ABCC9: variants seen among roughly 807,000 people sequenced by gnomAD.
The protein encoded by ABCC9 is ATP binding cassette subfamily C member 9.
In ABCC9, 95 loss-of-function variants were observed where a neutral mutation model predicts 188.3. The observed-to-expected ratio is 0.50, with a 90% CI of 0.43 to 0.60. The LOEUF is 0.60. Among genes scored for constraint, ABCC9 ranks in the 20% least tolerant of loss-of-function variants. The pLI, the probability that ABCC9 is intolerant of heterozygous loss-of-function variation, is 0.00. For synonymous variants in ABCC9, 659 were observed against 652.7 expected (o/e 1.01, Z -0.15); for missense variants, 1,102 against 1,876.3 (o/e 0.59, Z 7.62).
At chr12:21,909,435 T>A (rs1322239248) in intron 10 of ABCC9, among the ~76,000 whole-genome samples, 4 of 151,934 alleles carry the variant, frequency 2.6e-5, no homozygotes, top group African/African-American at 9.7e-5. Context: ...ATCTACAGAA[T>A]GCAAAACTTG....
At chr12:21,866,007 A>G (rs1192432483) in intron 18 of ABCC9, among the ~76,000 whole-genome samples, 2 of 151,968 alleles carry the variant, frequency 1.3e-5, no homozygotes, top group African/African-American at 2.4e-5. Context: ...TTAGCAAATC[A>G]GAGTAAACAA....
intron 14 of ABCC9, among the ~76,000 whole-genome samples, chr12:21,888,659 C>A (rs1946997614): frequency 6.6e-6 from 1 of 152,136 alleles, no homozygotes; most frequent in South Asian, 2.1e-4. Flanking sequence ...CTCTAGAAGA[C>A]TGGTTTGCCA....
intron 20 of ABCC9, among the ~76,000 whole-genome samples, chr12:21,862,583 C>A (rs200578864): frequency 7.1e-5 from 5 of 69,978 alleles, no homozygotes; most frequent in Non-Finnish European, 1.2e-4. Context: ...GTCCTATATT[C>A]TTCTTCTTTT....
intron 4 of ABCC9, among the ~76,000 whole-genome samples, chr12:21,932,548 T>A (rs535507072): frequency 1.4e-4 from 21 of 151,972 alleles, no homozygotes; most frequent in Non-Finnish European, 2.8e-4. Flanking sequence ...CCAGCATCTA[T>A]AAGGAACTTA....
intron 14 of ABCC9, among the ~76,000 whole-genome samples, chr12:21,890,474 A>T (rs933020884): frequency 6.6e-6 from 1 of 152,258 alleles, no homozygotes; most frequent in Middle Eastern, 3.4e-3. Context: ...CCTGCTGTTA[A>T]AACATGTTTT....
intron 19 of ABCC9, among the ~76,000 whole-genome samples, chr12:21,863,592 G>A (rs1945634649): frequency 6.6e-6 from 1 of 152,026 alleles, no homozygotes; most frequent in South Asian, 2.1e-4. Context: ...TATTGAAATC[G>A]TGCATGTAAA....
chr12:21,839,010 A>G (rs906382192), intron 29 of ABCC9, among the ~76,000 whole-genome samples: 1 of 152,198 alleles, frequency 6.6e-6, no homozygotes, highest in African/African-American at 2.4e-5. Flanking sequence ...TGGGTGACAA[A>G]GCCTGACGCT....
chr12:21,889,053 A>G (rs1224245534), intron 14 of ABCC9, among the ~76,000 whole-genome samples: 3 of 152,180 alleles, frequency 2.0e-5, no homozygotes, highest in African/African-American at 4.8e-5. Flanking sequence ...CCTCCAGACA[A>G]GTCTTCAGAA....
Position 21,910,982 on chromosome 12 carries a change from G to A in ABCC9, c.1012-4C>T. The A allele has an allele frequency of 6.2e-7, 1 of 1,611,610 alleles. No homozygotes were observed. Among genetic ancestry groups the A allele is most frequent in the South Asian group, 1.1e-5 (1 of 91,028 alleles). Reference sequence around the variant, plus strand: ...TTGATGAGAGGGTTTCTGAAATCTGGTCCCCAAAGAAAAAAAGTGTCATAT... The same window carrying A: ...TTGATGAGAGGGTTTCTGAAATCTGATCCCCAAAGAAAAAAAGTGTCATAT... On this transcript the variant is annotated splice_region_variant and splice_polypyrimidine_tract_variant and intron_variant, in intron 8 of 39. Coordinates refer to ENST00000261200, the MANE Select transcript of ABCC9 (RefSeq NM_020297.4).
rs1179046510 is a variant in ABCC9 at position 21,831,745 on chromosome 12, A to G, written c.3567-2685T>C. The stretch of plus-strand genomic sequence containing the variant: ...TCTACGCAGCAGGAACAATATGAGA[A>G]AAGGCACAGAAATGAGAAAGCGCCA... On this transcript the variant is annotated intron_variant, in intron 30 of 39. Transcript: ENST00000261200. 2.0e-5 allele frequency among the ~76,000 whole-genome samples: 3 copies of G among 152,154 alleles called. No homozygotes were observed. The East Asian group carries it at 5.8e-4, about 29-fold the overall frequency.
Position 21,844,835 on chromosome 12 carries a change from C to T in ABCC9, c.3177G>A (p.Trp1059Ter). Residue 1059 changes from tryptophan (W) to a stop codon, truncating the protein, a stop_gained, in exon 27 of 40, where the codon TGG (tryptophan) becomes TGA (stop). Coordinates refer to ENST00000261200, the MANE Select transcript of ABCC9 (RefSeq NM_020297.4). LOFTEE classifies it high-confidence loss of function. ...LCLVTSLTVE[W>*]MGLTAAKNLH... ...GATTTTTGGCAGCTGTGAGACCCAT[C>T]CATTCTACAGTGAGGGATGTAACAA... 1.2e-6 allele frequency: 2 copies of T among 1,613,958 alleles called. No homozygotes were observed. Among genetic ancestry groups the T allele is most frequent in the Non-Finnish European group, 1.7e-6 (2 of 1,179,886 alleles).
intron 22 of ABCC9, among the ~76,000 whole-genome samples, chr12:21,853,567 ATAATT>A (rs1945075812): frequency 1.3e-5 from 2 of 152,136 alleles, no homozygotes; most frequent in African/African-American, 4.8e-5. Context: ...TATTTAGAAA[ATAATT>A]TAAGAACTCA....
intron 11 of ABCC9, 102 bp downstream of exon 11, chr12:21,907,975 G>T: frequency 7.6e-7 from 1 of 1,312,144 alleles, no homozygotes; most frequent in Non-Finnish European, 1.1e-6. Context: ...AAATAGAATT[G>T]TTTCCAAATT....
intron 12 of ABCC9, among the ~76,000 whole-genome samples, 198 bp from the exon 13 acceptor site, chr12:21,895,513 T>C (rs1947356351): frequency 1.3e-5 from 2 of 152,214 alleles, no homozygotes; most frequent in South Asian, 4.1e-4. Context: ...CATACATTAG[T>C]CTTAACCAGT....
At chr12:21,829,778 ATTTT>A (rs1943650710) in intron 30 of ABCC9, among the ~76,000 whole-genome samples, 1 of 152,194 alleles carries the variant, frequency 6.6e-6, no homozygotes, top group East Asian at 1.9e-4. Flanking sequence ...TGTGGCATTT[ATTTT>A]ACTTTTCCAA....
intron 18 of ABCC9, 143 bp downstream of exon 18, chr12:21,872,482 C>T: frequency 3.0e-6 from 2 of 668,450 alleles, no homozygotes; most frequent in Non-Finnish European, 5.3e-6. Flanking sequence ...TTTAAGGTTT[C>T]CATCAATTTT....
At chr12:21,871,622 T>C (rs1946081171) in intron 18 of ABCC9, among the ~76,000 whole-genome samples, 1 of 152,146 alleles carries the variant, frequency 6.6e-6, no homozygotes, top group Non-Finnish European at 1.5e-5. Flanking sequence ...TGATAGTAGA[T>C]ACAAAATGAT....
intron 16 of ABCC9, among the ~76,000 whole-genome samples, chr12:21,880,702 C>CA (rs1245184015): frequency 1.3e-5 from 2 of 151,922 alleles, no homozygotes; most frequent in African/African-American, 2.4e-5. Flanking sequence ...CAACACGTGG[C>CA]AAAAAAATGA....
intron 22 of ABCC9, among the ~76,000 whole-genome samples, chr12:21,859,176 G>A (rs1253925931): frequency 3.3e-5 from 5 of 152,122 alleles, no homozygotes; most frequent in African/African-American, 4.8e-5. Context: ...TCCACAGCCC[G>A]AGTTGCACAG....
Sources: allele counts gnomAD v4.1 joint callset (sites outside exome capture counted in the v4.1 genomes callset), GRCh38; gene constraint gnomAD v4.1.1; transcripts MANE v1.5; gene names NCBI Gene and HGNC (gene_info 2026-07-23, HGNC 2026-07-21).